Variants in SDK1 observed in about 807,000 individuals in gnomAD.
The protein encoded by SDK1 is protein sidekick-1.
Under a neutral mutation model 245.5 loss-of-function variants are expected in SDK1, and 157 were observed. That is an observed-to-expected ratio of 0.64 (90% CI 0.56 to 0.73). The LOEUF (loss-of-function observed/expected upper bound fraction) is 0.73. Ranked by LOEUF, SDK1 falls within the 30% of genes least tolerant of loss-of-function variation. The pLI is 0.00. For synonymous variants in SDK1, 1,647 were observed against 1,278.5 expected, an observed-to-expected ratio of 1.29 and a Z score of -6.15; for missense variants, 3,583 against 3,002.3, an observed-to-expected ratio of 1.19 and a Z score of -4.52.
chr7:3,973,834 C>A (rs1380086358), intron 12 of SDK1, among the ~76,000 whole-genome samples: 1 of 152,098 alleles, frequency 6.6e-6, no homozygotes, highest in Non-Finnish European at 1.5e-5. Flanking sequence ...ACCAAGATTT[C>A]TGGTTGCTTT....
intron 4 of SDK1, among the ~76,000 whole-genome samples, chr7:3,701,924 C>CAATAAAA (rs1784751063): frequency 1.2e-5 from 1 of 85,682 alleles, no homozygotes; most frequent in African/African-American, 3.6e-5. Flanking sequence ...CGTGCATAAG[C>CAATAAAA]AAAAAAAAAA....
chr7:3,303,285 T>C (rs1427245000), intron 1 of SDK1, among the ~76,000 whole-genome samples: 1 of 152,216 alleles, frequency 6.6e-6, no homozygotes, highest in African/African-American at 2.4e-5. Flanking sequence ...AGTGAAGAAA[T>C]CTAAATCACT....
At chr7:3,950,420 G>C (rs751388841) in intron 5 of SDK1, among the ~76,000 whole-genome samples, 1 of 152,188 alleles carries the variant, frequency 6.6e-6, no homozygotes, top group African/African-American at 2.4e-5. Flanking sequence ...CGTCAACCAT[G>C]GTCCGAAAAT....
intron 4 of SDK1, among the ~76,000 whole-genome samples, chr7:3,683,082 A>G (rs950569634): frequency 6.6e-6 from 1 of 152,220 alleles, no homozygotes; most frequent in African/African-American, 2.4e-5. Flanking sequence ...ATTTTCAGGC[A>G]CAGTATTACC....
At chr7:3,441,349 T>G (rs947487070) in intron 1 of SDK1, among the ~76,000 whole-genome samples, 1 of 152,128 alleles carries the variant, frequency 6.6e-6, no homozygotes, top group Non-Finnish European at 1.5e-5. Context: ...AGGAGGACTC[T>G]TGTACATCAT....
chr7:4,035,089 C>A (rs1170768203), intron 17 of SDK1, among the ~76,000 whole-genome samples: 1 of 152,182 alleles, frequency 6.6e-6, no homozygotes, highest in African/African-American at 2.4e-5. Flanking sequence ...AGCAATTCTC[C>A]TGCCTTAGCC....
chr7:4,251,211 G>T (rs746635155), intron 44 of SDK1, among the ~76,000 whole-genome samples: 9 of 152,138 alleles, frequency 5.9e-5, no homozygotes, highest in Non-Finnish European at 1.0e-4. Context: ...ATTTGAGTTT[G>T]TTGTGTCTGG....
intron 4 of SDK1, among the ~76,000 whole-genome samples, chr7:3,668,016 A>G (rs1366128973): frequency 6.6e-6 from 1 of 152,194 alleles, no homozygotes; most frequent in Non-Finnish European, 1.5e-5. Context: ...AGAAACTTAT[A>G]AGAAACCTCA....
chr7:3,778,621 C>T (rs1231459429), intron 4 of SDK1, among the ~76,000 whole-genome samples: 1 of 152,200 alleles, frequency 6.6e-6, no homozygotes, highest in African/African-American at 2.4e-5. Context: ...AAGCACTTCA[C>T]GTATGCTTAT....
intron 1 of SDK1, among the ~76,000 whole-genome samples, chr7:3,496,990 A>G (rs890563751): frequency 1.2e-4 from 19 of 152,160 alleles, no homozygotes; most frequent in Non-Finnish European, 2.1e-4. Flanking sequence ...CATTCTCGGC[A>G]CAGAATAATT....
chr7:3,830,050 A>G (rs1779876431), intron 5 of SDK1, among the ~76,000 whole-genome samples: 1 of 152,186 alleles, frequency 6.6e-6, no homozygotes, highest in Non-Finnish European at 1.5e-5. Context: ...GACATAAAGT[A>G]AGACATGATC....
At chr7:3,542,698 C>A (rs528777000) in intron 1 of SDK1, among the ~76,000 whole-genome samples, 1 of 152,258 alleles carries the variant, frequency 6.6e-6, no homozygotes, top group South Asian at 2.1e-4. Flanking sequence ...GTACTATTGT[C>A]TCTCTTTAAA....
chr7:4,172,509 C>T (rs1781910841), intron 32 of SDK1, among the ~76,000 whole-genome samples: 1 of 152,218 alleles, frequency 6.6e-6, no homozygotes. Flanking sequence ...AAAGCGATTT[C>T]TCTAAACATC....
chr7:3,426,395 C>T (rs537882821), intron 1 of SDK1, among the ~76,000 whole-genome samples: 1 of 152,130 alleles, frequency 6.6e-6, no homozygotes, highest in African/African-American at 2.4e-5. Flanking sequence ...GACAGGCTGG[C>T]CTTGTTCTAG....
chr7:3,428,205 C>A (rs1779730492), intron 1 of SDK1, among the ~76,000 whole-genome samples: 1 of 152,168 alleles, frequency 6.6e-6, no homozygotes, highest in African/African-American at 2.4e-5. Flanking sequence ...TGATACAGAT[C>A]TGTTATTTAC....
At chr7:3,548,115 A>G (rs1010795223) in intron 1 of SDK1, among the ~76,000 whole-genome samples, 4 of 152,190 alleles carry the variant, frequency 2.6e-5, no homozygotes, top group African/African-American at 7.2e-5. Context: ...TAAGTTTCCC[A>G]CAATTAAATC....
At chr7:4,147,975 C>T (rs1013786666) in intron 29 of SDK1, among the ~76,000 whole-genome samples, 2 of 151,992 alleles carry the variant, frequency 1.3e-5, no homozygotes, top group African/African-American at 4.8e-5. Flanking sequence ...AGCCCCGCCC[C>T]ACAGTCCCGC....
intron 40 of SDK1, among the ~76,000 whole-genome samples, chr7:4,226,108 A>G (rs1185244916): frequency 6.6e-6 from 1 of 152,168 alleles, no homozygotes; most frequent in African/African-American, 2.4e-5. Context: ...TACAGGCCTC[A>G]TTACACAAAA....
intron 1 of SDK1, among the ~76,000 whole-genome samples, chr7:3,311,903 C>T (rs1036108527): frequency 6.6e-6 from 1 of 152,198 alleles, no homozygotes; most frequent in Non-Finnish European, 1.5e-5. Flanking sequence ...ATACACGCCC[C>T]AATGGCTTAG....
Sources: allele counts gnomAD v4.1 joint callset (sites outside exome capture counted in the v4.1 genomes callset), GRCh38; gene constraint gnomAD v4.1.1; transcripts MANE v1.5; gene names NCBI Gene and HGNC (gene_info 2026-07-23, HGNC 2026-07-21).